CDKAL1: variants seen among roughly 807,000 people sequenced by gnomAD.
CDKAL1 encodes the protein threonylcarbamoyladenosine tRNA methylthiotransferase.
CDKAL1 carries 32 observed loss-of-function variants against 68.2 expected under a neutral mutation model. The observed-to-expected ratio is 0.47, with a 90% confidence interval of 0.35 to 0.63. The LOEUF (loss-of-function observed/expected upper bound fraction) is 0.63, where lower values mean the gene tolerates loss of function less well. Among genes scored for constraint, CDKAL1 ranks in the 30% least tolerant of loss-of-function variants. CDKAL1 has a pLI of 0.00. For synonymous variants in CDKAL1, 234 were observed against 244.3 expected, an observed-to-expected ratio of 0.96 and a Z score of 0.39; for missense variants, 606 against 696.7, an observed-to-expected ratio of 0.87 and a Z score of 1.47.
At chr6:20,893,362 C>T (rs963156840) in intron 9 of CDKAL1, among the ~76,000 whole-genome samples, 1 of 152,166 alleles carries the variant, frequency 6.6e-6, no homozygotes, top group African/African-American at 2.4e-5. Flanking sequence ...TGGTCCCCCA[C>T]TGTATAACTG....
intron 8 of CDKAL1, among the ~76,000 whole-genome samples, chr6:20,787,646 C>T (rs1222223917): frequency 1.3e-5 from 2 of 152,168 alleles, no homozygotes; most frequent in African/African-American, 2.4e-5. Context: ...ATAATACATC[C>T]TCAGGCAACC....
At chr6:20,603,767 A>ATTTTT (rs1766208447) in intron 4 of CDKAL1, among the ~76,000 whole-genome samples, 4 of 96,222 alleles carry the variant, frequency 4.2e-5, no homozygotes, top group Admixed American at 1.2e-4. Flanking sequence ...GCAGTTGCTA[A>ATTTTT]ATTTTTTTTT....
intron 11 of CDKAL1, among the ~76,000 whole-genome samples, chr6:21,020,079 T>G (rs1768560603): frequency 1.3e-5 from 2 of 152,172 alleles, no homozygotes; most frequent in Admixed American, 1.3e-4. Context: ...CTCCCCTTTT[T>G]CTTTCACTCT....
At chr6:20,576,496 AAC>A (rs1764912773) in intron 4 of CDKAL1, among the ~76,000 whole-genome samples, 1 of 152,228 alleles carries the variant, frequency 6.6e-6, no homozygotes. Context: ...AATAAAAATC[AAC>A]AGTTTTATGA....
chr6:20,738,229 G>A (rs972212316), intron 5 of CDKAL1, among the ~76,000 whole-genome samples: 6 of 151,996 alleles, frequency 3.9e-5, no homozygotes, highest in Admixed American at 2.6e-4. Flanking sequence ...TCCAATACCC[G>A]TACACATGCA....
intron 5 of CDKAL1, among the ~76,000 whole-genome samples, chr6:20,694,056 G>GTA (rs775374430): frequency 1.1e-5 from 1 of 87,656 alleles, no homozygotes; most frequent in African/African-American, 4.0e-5. Flanking sequence ...GTGTGTGTGT[G>GTA]TGTGTATGTG....
At chr6:20,716,811 A>G (rs1444647281) in intron 5 of CDKAL1, among the ~76,000 whole-genome samples, 1 of 125,136 alleles carries the variant, frequency 8.0e-6, no homozygotes, top group East Asian at 2.6e-4. Flanking sequence ...AAATTTGGGA[A>G]TCATGTGCTG....
chr6:20,913,158 C>CACACACACAT lies in CDKAL1; in HGVS notation c.743-42260_743-42259insCACACACATA, dbSNP rs1229681370. ...ACACACACACACACACACACACACACATTACCACAAATGTAGAAGCTTAAA... is the reference window on the plus strand; with the variant it reads ...ACACACACACACACACACACACACACACACACACATATTACCACAAATGTAGAAGCTTAAA... On this transcript the variant is annotated intron_variant, in intron 9 of 15. Coordinates refer to ENST00000274695, the MANE Select transcript of CDKAL1 (RefSeq NM_017774.3). 6.4e-3 allele frequency among the ~76,000 whole-genome samples: 932 copies of CACACACACAT among 145,732 alleles called. 13 individuals carry two copies. The highest frequency in any genetic ancestry group is 0.016 in the African/African-American group (605 of 37,794).
chr6:20,595,547 C>T (rs2127705712), intron 4 of CDKAL1, among the ~76,000 whole-genome samples: 1 of 152,124 alleles, frequency 6.6e-6, no homozygotes, highest in Admixed American at 6.5e-5. Flanking sequence ...TTTCTCTAAA[C>T]TGGTTATTCT....
intron 15 of CDKAL1, among the ~76,000 whole-genome samples, chr6:21,215,347 A>T (rs1211928295): frequency 6.6e-6 from 1 of 152,210 alleles, no homozygotes; most frequent in East Asian, 1.9e-4. Flanking sequence ...TGGCCAAGTA[A>T]ATCACATGGC....
chr6:20,653,983 G>T (rs1768900867), intron 5 of CDKAL1, among the ~76,000 whole-genome samples: 1 of 152,232 alleles, frequency 6.6e-6, no homozygotes, highest in East Asian at 1.9e-4. Context: ...CTGACTTCAA[G>T]TGATCCACCC....
chr6:20,931,572 T>A (rs1258024799), intron 9 of CDKAL1, among the ~76,000 whole-genome samples: 1 of 152,166 alleles, frequency 6.6e-6, no homozygotes, highest in Non-Finnish European at 1.5e-5. Context: ...TTTGTCTCCG[T>A]GGCATGTGAT....
intron 13 of CDKAL1, among the ~76,000 whole-genome samples, chr6:21,186,077 G>A (rs1158986903): frequency 3.3e-5 from 5 of 151,978 alleles, no homozygotes; most frequent in Admixed American, 3.3e-4. Context: ...TATGGGGGTG[G>A]GGCAGGGGGG....
intron 13 of CDKAL1, among the ~76,000 whole-genome samples, chr6:21,126,620 G>C (rs1775028148): frequency 6.6e-6 from 1 of 151,826 alleles, no homozygotes; most frequent in Non-Finnish European, 1.5e-5. Context: ...CACCCCTCAT[G>C]AATCAGTTTC....
intron 5 of CDKAL1, among the ~76,000 whole-genome samples, chr6:20,661,057 A>T (rs1042617610): frequency 6.6e-6 from 1 of 152,122 alleles, no homozygotes; most frequent in African/African-American, 2.4e-5. Flanking sequence ...TGAGTGAAAA[A>T]GATCTAAAAG....
At chr6:20,940,917 C>T (rs1469717544) in intron 9 of CDKAL1, among the ~76,000 whole-genome samples, 1 of 151,940 alleles carries the variant, frequency 6.6e-6, no homozygotes, top group Non-Finnish European at 1.5e-5. Context: ...AGTGAAACCG[C>T]GTCTCTACTA....
At chr6:20,821,195 G>T (rs970878850) in intron 8 of CDKAL1, among the ~76,000 whole-genome samples, 1 of 152,100 alleles carries the variant, frequency 6.6e-6, no homozygotes, top group African/African-American at 2.4e-5. Context: ...ATGGGAGTTG[G>T]CATGAGCAGG....
intron 4 of CDKAL1, among the ~76,000 whole-genome samples, chr6:20,590,479 G>T (rs1406989966): frequency 6.6e-6 from 1 of 152,006 alleles, no homozygotes; most frequent in Non-Finnish European, 1.5e-5. Flanking sequence ...TCTACATTAG[G>T]TATTTCTCCT....
intron 13 of CDKAL1, among the ~76,000 whole-genome samples, chr6:21,153,740 G>C (rs1776520372): frequency 6.6e-6 from 1 of 152,146 alleles, no homozygotes; most frequent in African/African-American, 2.4e-5. Context: ...AAAAGAGAGG[G>C]AAGAAGTGGG....
Sources: allele counts gnomAD v4.1 joint callset (sites outside exome capture counted in the v4.1 genomes callset), GRCh38; gene constraint gnomAD v4.1.1; transcripts MANE v1.5; gene names NCBI Gene and HGNC (gene_info 2026-07-23, HGNC 2026-07-21).